SETBP1: variants seen among roughly 807,000 people sequenced by gnomAD.
SETBP1 encodes the protein SET-binding protein.
SETBP1 carries 9 observed loss-of-function variants against 101.0 expected under a neutral mutation model. That is an observed-to-expected ratio of 0.09 (90% CI 0.05 to 0.16). The LOEUF is 0.16. SETBP1 is among the 10% of genes least tolerant of loss of function. SETBP1 has a pLI of 1.00. For synonymous variants in SETBP1, 818 were observed against 788.5 expected (o/e 1.04, Z -0.63); for missense variants, 1,858 against 2,033.8 (o/e 0.91, Z 1.66).
intron 2 of SETBP1, among the ~76,000 whole-genome samples, chr18:44,868,667 C>CGAGAGAGA (rs147824825): frequency 1.1e-5 from 1 of 87,210 alleles, no homozygotes; most frequent in Admixed American, 1.2e-4. Context: ...TGTACTCCAG[C>CGAGAGAGA]GAGAGAGAGA....
chr18:44,771,471 C>A (rs1350151509), intron 2 of SETBP1, among the ~76,000 whole-genome samples: 1 of 151,930 alleles, frequency 6.6e-6, no homozygotes, highest in Non-Finnish European at 1.5e-5. Context: ...ATCCAAAAGA[C>A]CCTGCAAAGG....
intron 2 of SETBP1, among the ~76,000 whole-genome samples, chr18:44,794,266 G>GTTTGAAAAAAT (rs74388613): frequency 2.0e-5 from 3 of 152,082 alleles, no homozygotes; most frequent in Admixed American, 6.5e-5. Context: ...GGATACAGCT[G>GTTTGAAAAAAT]TATTCTTAAA....
intron 3 of SETBP1, among the ~76,000 whole-genome samples, chr18:44,913,400 T>C (rs988614666): frequency 6.6e-6 from 1 of 152,176 alleles, no homozygotes; most frequent in Non-Finnish European, 1.5e-5. Context: ...CTACCTCTTA[T>C]GGTTAGATTC....
At chr18:44,917,492 C>A (rs545309741) in intron 3 of SETBP1, among the ~76,000 whole-genome samples, 88 of 152,050 alleles carry the variant, frequency 5.8e-4, no homozygotes, top group Non-Finnish European at 1.2e-3. Context: ...TTTTTTTAAC[C>A]CAGGACCAAG....
In SETBP1 at chr18:45,039,604, G is replaced by A. The variant is rs141073230; in HGVS notation, c.4171+949G>A. 9.2e-5 allele frequency among the ~76,000 whole-genome samples: 14 copies of A among 152,272 alleles called. No individual in the cohort carries two copies. In the East Asian group the frequency reaches 1.5e-3, roughly 17 times the overall value. The stretch of plus-strand genomic sequence containing the variant: ...CAACCGTTTAGATTCTTGCTATCTC[G>A]CTGACATACAGCATGACAATGTTAC... On this transcript the variant is annotated intron_variant, in intron 5 of 5. Transcript: ENST00000649279.
intron 2 of SETBP1, among the ~76,000 whole-genome samples, chr18:44,718,248 G>A (rs992843829): frequency 1.3e-5 from 2 of 152,184 alleles, no homozygotes; most frequent in East Asian, 1.9e-4. Flanking sequence ...AGCAGCAGGT[G>A]CAGGTCAGAC....
intron 2 of SETBP1, among the ~76,000 whole-genome samples, chr18:44,844,700 A>C (rs1323624059): frequency 6.6e-6 from 1 of 151,610 alleles, no homozygotes; most frequent in Non-Finnish European, 1.5e-5. Flanking sequence ...CTCAGACATG[A>C]ATTAGGTGGA....
chr18:44,729,150 T>C (rs1463964749), intron 2 of SETBP1, among the ~76,000 whole-genome samples: 1 of 152,240 alleles, frequency 6.6e-6, no homozygotes, highest in Admixed American at 6.5e-5. Context: ...AATCTGGCTC[T>C]ACAGTTCACT....
chr18:44,871,065 C>T (rs1394189227), intron 3 of SETBP1: 2 of 152,182 alleles, frequency 1.3e-5, no homozygotes, highest in Non-Finnish European at 2.9e-5. Context: ...TTCAGCCCTT[C>T]CATGTTATTC....
chr18:44,842,055 CTG>C (rs1280633812), intron 2 of SETBP1, among the ~76,000 whole-genome samples: 1 of 152,132 alleles, frequency 6.6e-6, no homozygotes, highest in Non-Finnish European at 1.5e-5. Flanking sequence ...TAAGGAGAGA[CTG>C]AGATTTGCAT....
intron 2 of SETBP1, among the ~76,000 whole-genome samples, chr18:44,809,046 A>C (rs535292170): frequency 2.0e-5 from 3 of 152,274 alleles, no homozygotes; most frequent in Non-Finnish European, 4.4e-5. Flanking sequence ...TCCCAGTGAG[A>C]ATAGTGCCTT....
chr18:44,718,606 T>C (rs2069517897), intron 2 of SETBP1, among the ~76,000 whole-genome samples: 1 of 152,178 alleles, frequency 6.6e-6, no homozygotes, highest in African/African-American at 2.4e-5. Flanking sequence ...TTCAACCAAA[T>C]ATATTTTCTT....
intron 3 of SETBP1, among the ~76,000 whole-genome samples, chr18:44,878,896 TC>T (rs2069469349): frequency 1.3e-5 from 2 of 152,168 alleles, no homozygotes; most frequent in Admixed American, 1.3e-4. Context: ...TTTGCAGACA[TC>T]TGCTTGCTTG....
chr18:44,920,140 G>A (rs1026411567), intron 3 of SETBP1, among the ~76,000 whole-genome samples: 3 of 152,184 alleles, frequency 2.0e-5, no homozygotes, highest in Non-Finnish European at 4.4e-5. Flanking sequence ...TCTGCTGCCA[G>A]TATGGTGCCT....
intron 4 of SETBP1, among the ~76,000 whole-genome samples, chr18:45,013,160 A>G (rs2072873628): frequency 6.6e-6 from 1 of 152,242 alleles, no homozygotes; most frequent in Non-Finnish European, 1.5e-5. Context: ...AGTCTGTGCC[A>G]GCCCCAGGCC....
intron 2 of SETBP1, among the ~76,000 whole-genome samples, chr18:44,779,855 G>A (rs548170453): frequency 6.6e-6 from 1 of 151,880 alleles, no homozygotes; most frequent in Non-Finnish European, 1.5e-5. Context: ...GTTCCTCTGC[G>A]GTTGTGTTTT....
At chr18:44,693,814 A>G (rs186735306) in intron 1 of SETBP1, among the ~76,000 whole-genome samples, 163 of 152,368 alleles carry the variant, frequency 1.1e-3, no homozygotes, top group African/African-American at 3.7e-3. Context: ...CCAGAAAAGC[A>G]GGCAGTCATC....
chr18:44,980,292 G>A (rs753414397), intron 4 of SETBP1, among the ~76,000 whole-genome samples: 10 of 152,158 alleles, frequency 6.6e-5, no homozygotes, highest in Non-Finnish European at 1.5e-4. Context: ...CTGTTTTTAG[G>A]GCTCAGCATT....
At chr18:44,871,521 T>C (rs968488978) in intron 3 of SETBP1, 1 of 152,198 alleles carries the variant, frequency 6.6e-6, no homozygotes, top group Non-Finnish European at 1.5e-5. Flanking sequence ...ACCACTTGAA[T>C]GTAGAGGTTT....
Sources: allele counts gnomAD v4.1 joint callset (sites outside exome capture counted in the v4.1 genomes callset), GRCh38; gene constraint gnomAD v4.1.1; transcripts MANE v1.5; gene names NCBI Gene and HGNC (gene_info 2026-07-23, HGNC 2026-07-21).